The following TAF6 variants were observed in gnomAD, a reference collection of about 807,000 sequenced individuals.
The protein encoded by TAF6 is TATA-box binding protein associated factor 6.
Under a neutral mutation model 73.5 loss-of-function variants are expected in TAF6, and 50 were observed. The observed-to-expected ratio is 0.68, with a 90% CI of 0.54 to 0.86. The LOEUF is 0.86. Ranked by LOEUF, TAF6 falls within the 40% of genes least tolerant of loss-of-function variation. The probability of loss-of-function intolerance (pLI) is 0.00; values close to 1 mark genes in which losing one functional copy is unlikely to be tolerated. For synonymous variants in TAF6, 424 were observed against 376.7 expected (o/e 1.13, Z -1.45); for missense variants, 768 against 899.5 (o/e 0.85, Z 1.87).
At chr7:100,121,116 A>ATATATTTTTTTTTTTTT (rs1584585316), upstream of TAF6, 1 of 52,778 alleles carries the variant, frequency 1.9e-5, no homozygotes, top group Non-Finnish European at 3.2e-5. Context: ...ATATATATAT[A>ATATATTTTTTTTTTTTT]TTTTTTTTTT....
In TAF6 at chr7:100,107,353, G is replaced by A; in HGVS notation, c.1927C>T (p.Leu643Phe). 3 of 1,560,042 alleles carry A rather than the reference G, an allele frequency of 1.9e-6. No individual in the cohort carries two copies. In the South Asian group the frequency reaches 3.6e-5, roughly 19 times the overall value. Reference sequence around the variant, plus strand: ...CCAGCCTCCTGCTTCCCCCCACAAAGGGCACTGCCGCTGAGTGGGGACGGG... The same window carrying A: ...CCAGCCTCCTGCTTCCCCCCACAAAAGGCACTGCCGCTGAGTGGGGACGGG... ...SSPSPLSGSALCGGKQEAGDS... is the reference protein window; with the variant it reads ...SSPSPLSGSAFCGGKQEAGDS... The change falls in exon 15 of 15, where the codon CTT becomes TTT. Residue 643 changes from leucine (L) to phenylalanine (F), a missense_variant. Leu to Phe is a conservative substitution (Grantham distance 22). Around this residue, in one of 5 missense-constraint regions of TAF6, gnomAD observed 350 missense variants for 352.3 expected, o/e 0.99. Coordinates refer to ENST00000453269, the MANE Select transcript of TAF6 (RefSeq NM_139315.3).
chr7:100,111,876 G>T, intron 8 of TAF6, 46 bp downstream of exon 8: 1 of 1,614,122 alleles, frequency 6.2e-7, no homozygotes, highest in Non-Finnish European at 8.5e-7. Context: ...GACCCTCACA[G>T]GAGCTTCCAC....
chr7:100,114,334 G>A (rs1461088341), intron 1 of TAF6, 66 bp from the exon 2 acceptor site: 3 of 1,476,790 alleles, frequency 2.0e-6, no homozygotes, highest in Non-Finnish European at 2.8e-6. Flanking sequence ...GCCAACAAAG[G>A]GAGGACAGTG....
Position 100,118,788 on chromosome 7 carries a change from A to T in TAF6, c.-60+416T>A, listed in dbSNP as rs1584579093. 4.2e-6 allele frequency: 4 copies of T among 952,808 alleles called. 1 individual carries two copies. The Admixed American group carries it at 2.5e-4, about 59-fold the overall frequency. 59.0% of individuals were successfully genotyped at this position (952,808 alleles called of 1,614,324 possible). ...TGGAAGGATGGGAAGAGGGAGGCCG[A>T]AAAACAAATTGGTTCTTTTCAAACC... On this transcript the variant is annotated intron_variant, in intron 1 of 14. Transcript: ENST00000453269.
Position 100,108,438 on chromosome 7 carries a change from C to G in TAF6, c.1387G>C (p.Val463Leu). ...GSLGPLLCSQVVKARAQAALQ... is the reference protein window; with the variant it reads ...GSLGPLLCSQLVKARAQAALQ... ...GCAGCCTGGGCCCGAGCCTTGACCA[C>G]CTGGGAGCAGAGGAGGGGCCCAAGG... Residue 463 changes from valine to leucine, a missense_variant, in exon 13 of 15, where the codon GTG becomes CTG. By Grantham distance (32) the Val-to-Leu change is conservative. Coordinates refer to ENST00000453269, the MANE Select transcript of TAF6 (RefSeq NM_139315.3). 1 of 1,613,972 alleles carries G rather than the reference C, an allele frequency of 6.2e-7. No homozygotes were observed. The highest frequency in any genetic ancestry group is 8.5e-7 in the Non-Finnish European group (1 of 1,179,876).
chr7:100,119,641 G>C (rs536137427), upstream of TAF6: 8 of 1,603,086 alleles, frequency 5.0e-6, no homozygotes, highest in Non-Finnish European at 6.8e-6. Context: ...GACCTTCCTC[G>C]GCTGGATTTA....
chr7:100,110,240 C>T lies in TAF6; in HGVS notation c.1118G>A (p.Arg373His), dbSNP rs769822262. 1.2e-5 allele frequency: 19 copies of T among 1,614,112 alleles called. No homozygotes were observed. The highest frequency in any genetic ancestry group is 4.4e-5 in the South Asian group (4 of 91,086). Residue 373 changes from arginine (R) to histidine (H), a missense_variant, in exon 11 of 15, where the codon CGT (arginine) becomes CAT (histidine). By Grantham distance (29) the Arg-to-His change is conservative. Transcript: ENST00000453269. ...AGCCAAGCCTGCGATGGAGCCATAA[C>T]GAGTCGTCCAGGGCGTCTTCTCGTC... ...WVDEKTPWTT[R>H]YGSIAGLAEL...
chr7:100,108,117 G>C lies in TAF6; in HGVS notation c.1465C>G (p.Pro489Ala), dbSNP rs965767102. The C allele has an allele frequency of 2.1e-5, 34 of 1,598,088 alleles. No homozygotes were observed. The highest frequency in any genetic ancestry group is 2.0e-5 in the Non-Finnish European group (24 of 1,174,824). ...GGGGCCTGCGAGAGGGTCAGCGTGG[G>C]CCGGGGCTGCGGGGAGAAGAGGAAA... is the stretch of plus-strand genomic sequence containing the variant. ...RTTLTITQPR[P>A]TLTLSQAPQP... The change falls in exon 14 of 15, where the codon CCC becomes GCC. Residue 489 changes from proline to alanine, a missense_variant. By Grantham distance (27) the Pro-to-Ala change is conservative. Transcript: ENST00000453269.
the TAF6 span, among the ~76,000 whole-genome samples, chr7:100,125,977 G>A: frequency 6.6e-6 from 1 of 152,154 alleles, no homozygotes; most frequent in African/African-American, 2.4e-5. Flanking sequence ...ACAAGATTAG[G>A]AGATCGAGAC....
intron 12 of TAF6, chr7:100,108,955 G>GTC (rs111401705): frequency 0.031 from 4,905 of 157,378 alleles, 283 homozygotes; most frequent in African/African-American, 0.11. Context: ...CCCAGGTGGT[G>GTC]GAGGCTGCAG....
upstream of TAF6, chr7:100,122,305 C>T (rs143338443): frequency 8.1e-6 from 13 of 1,613,950 alleles, no homozygotes; most frequent in African/African-American, 2.7e-5. Flanking sequence ...TGAGTCGCAC[C>T]GGTCGATCTC....
chr7:100,108,473 T>A lies in TAF6; in HGVS notation c.1352A>T (p.Glu451Val). 1 of 1,613,976 alleles carries A rather than the reference T, an allele frequency of 6.2e-7. No homozygotes were observed. ...PPDNQDAYRA[E>V]FGSLGPLLCS... Reference sequence around the variant, plus strand: ...GAGGAGGGGCCCAAGGGACCCGAATTCTGCCCGATAGGCGTCCTGATTGTC... The same window carrying A: ...GAGGAGGGGCCCAAGGGACCCGAATACTGCCCGATAGGCGTCCTGATTGTC... Residue 451 changes from glutamate to valine, a missense_variant, in exon 13 of 15, where the codon GAA becomes GTA. Around this residue, in one of 5 missense-constraint regions of TAF6, gnomAD observed 350 missense variants for 352.3 expected, o/e 0.99. Transcript: ENST00000453269.
At chr7:100,114,578 G>T (rs1797520267) in intron 1 of TAF6, 4 of 573,014 alleles carry the variant, frequency 7.0e-6, no homozygotes, top group African/African-American at 3.8e-5. Flanking sequence ...AAATTAGCAG[G>T]GCGTGGTAGT....
At chr7:100,117,674 T>C (rs1360498470) in intron 1 of TAF6, among the ~76,000 whole-genome samples, 4 of 152,270 alleles carry the variant, frequency 2.6e-5, no homozygotes, top group African/African-American at 9.6e-5. Flanking sequence ...CTTAGAGATA[T>C]TGGTGCTCAG....
At chr7:100,120,872 C>T (rs746183759), upstream of TAF6, among the ~76,000 whole-genome samples, 16 of 151,836 alleles carry the variant, frequency 1.1e-4, no homozygotes, top group Non-Finnish European at 2.2e-4. Context: ...GTTTATCTGT[C>T]CCAACTACAC....
At chr7:100,119,740 T>TA, upstream of TAF6, 1 of 1,614,208 alleles carries the variant, frequency 6.2e-7, no homozygotes, top group Non-Finnish European at 8.5e-7. Context: ...AGACGGCGCT[T>TA]TGTCATGGGA....
At chr7:100,127,070 G>A in the TAF6 span, 2 of 342,664 alleles carry the variant, frequency 5.8e-6, no homozygotes, top group Non-Finnish European at 1.1e-5. The surrounding 1 kb of genome is among the most constrained non-coding windows in gnomAD (Gnocchi z 4.6). Context: ...CCAAGGTAGA[G>A]CGCGGCTAGG....
chr7:100,122,988 G>A, upstream of TAF6: 2 of 1,451,434 alleles, frequency 1.4e-6, no homozygotes, highest in African/African-American at 1.4e-5. Context: ...GACTATAGGG[G>A]ATGTCTACCC....
Position 100,108,438 on chromosome 7 carries a change from C to A in TAF6, c.1387G>T (p.Val463Leu). The part of the protein sequence containing the change: ...GSLGPLLCSQ[V>L]VKARAQAALQ... Reference sequence around the variant, plus strand: ...GCAGCCTGGGCCCGAGCCTTGACCACCTGGGAGCAGAGGAGGGGCCCAAGG... The same window carrying A: ...GCAGCCTGGGCCCGAGCCTTGACCAACTGGGAGCAGAGGAGGGGCCCAAGG... Residue 463 changes from valine to leucine, a missense_variant, in exon 13 of 15, where the codon GTG becomes TTG. Around this residue, in one of 5 missense-constraint regions of TAF6, gnomAD observed 350 missense variants for 352.3 expected, o/e 0.99. Coordinates refer to ENST00000453269, the MANE Select transcript of TAF6 (RefSeq NM_139315.3). The A allele has an allele frequency of 1.9e-6, 3 of 1,613,972 alleles. No homozygotes were observed. The highest frequency in any genetic ancestry group is 8.5e-7 in the Non-Finnish European group (1 of 1,179,876).
Sources: allele counts gnomAD v4.1 joint callset (sites outside exome capture counted in the v4.1 genomes callset), GRCh38; gene constraint gnomAD v4.1.1; regional missense constraint gnomAD v4.1.1; non-coding constraint Gnocchi (gnomAD v3.1); transcripts MANE v1.5; gene names NCBI Gene and HGNC (gene_info 2026-07-23, HGNC 2026-07-21).